The following NLGN1 variants were observed in gnomAD, a reference collection of about 807,000 sequenced individuals.
The protein encoded by NLGN1 is neuroligin 1.
In NLGN1, 12 loss-of-function variants were observed where a neutral mutation model predicts 65.5. The ratio of observed to expected loss-of-function variants is 0.18; its 90% CI spans 0.12 to 0.30. The LOEUF (loss-of-function observed/expected upper bound fraction) is 0.30. Among genes scored for constraint, NLGN1 ranks in the 10% least tolerant of loss-of-function variants. The pLI is 1.00. For synonymous variants in NLGN1, 350 were observed against 359.5 expected (o/e 0.97, Z 0.30); for missense variants, 750 against 1,007.1 (o/e 0.74, Z 3.46).
At chr3:173,802,346 T>G (rs1715616024) in intron 3 of NLGN1, among the ~76,000 whole-genome samples, 1 of 152,190 alleles carries the variant, frequency 6.6e-6, no homozygotes, top group Non-Finnish European at 1.5e-5. Context: ...GGTTAAGTAC[T>G]AAGCCATTCA....
intron 4 of NLGN1, among the ~76,000 whole-genome samples, chr3:174,011,811 G>A (rs113272556): frequency 3.9e-5 from 6 of 151,980 alleles, no homozygotes; most frequent in Admixed American, 2.0e-4. Context: ...TGGTCTAGGC[G>A]CAAATTACAT....
At chr3:174,027,796 A>G (rs2152467993) in intron 4 of NLGN1, among the ~76,000 whole-genome samples, 2 of 152,304 alleles carry the variant, frequency 1.3e-5, no homozygotes, top group South Asian at 4.1e-4. Context: ...CAAGGATCAT[A>G]TGAGTTAATT....
chr3:173,665,512 T>C (rs533922695), intron 3 of NLGN1, among the ~76,000 whole-genome samples: 1 of 152,270 alleles, frequency 6.6e-6, no homozygotes, highest in African/African-American at 2.4e-5. Context: ...TTAGACATTT[T>C]GAAGATAAAT....
chr3:173,761,134 C>CT (rs1220640488), intron 3 of NLGN1, among the ~76,000 whole-genome samples: 5 of 151,956 alleles, frequency 3.3e-5, no homozygotes, highest in Non-Finnish European at 1.5e-5. Context: ...GCTATAATGT[C>CT]TTTGTACTCA....
intron 4 of NLGN1, among the ~76,000 whole-genome samples, chr3:174,028,513 A>AAT (rs962698778): frequency 8.5e-5 from 13 of 152,238 alleles, no homozygotes; most frequent in Non-Finnish European, 1.5e-4. Flanking sequence ...AAGATGATTT[A>AAT]GGACATCTAG....
intron 2 of NLGN1, among the ~76,000 whole-genome samples, chr3:173,599,448 T>A (rs2149429171): frequency 6.6e-6 from 1 of 152,242 alleles, no homozygotes; most frequent in Non-Finnish European, 1.5e-5. Flanking sequence ...ATATGAAACA[T>A]TTTGCTACAG....
At chr3:173,873,595 T>G (rs1189397550) in intron 4 of NLGN1, among the ~76,000 whole-genome samples, 1 of 152,160 alleles carries the variant, frequency 6.6e-6, no homozygotes, top group Non-Finnish European at 1.5e-5. Context: ...TCAATGTGGA[T>G]TTATTATTAT....
intron 4 of NLGN1, among the ~76,000 whole-genome samples, chr3:174,146,939 A>C (rs186303328): frequency 6.6e-6 from 1 of 152,324 alleles, no homozygotes; most frequent in Non-Finnish European, 1.5e-5. Context: ...TCTTCTTAGT[A>C]GTGTTTACAT....
chr3:174,138,820 T>C (rs1364804088), intron 4 of NLGN1, among the ~76,000 whole-genome samples: 1 of 152,052 alleles, frequency 6.6e-6, no homozygotes, highest in Non-Finnish European at 1.5e-5. Context: ...GCTTTACTTA[T>C]CAATCTTTAT....
intron 1 of NLGN1, among the ~76,000 whole-genome samples, chr3:173,428,957 A>G (rs1716662050): frequency 1.3e-5 from 2 of 151,762 alleles, no homozygotes; most frequent in South Asian, 4.2e-4. Flanking sequence ...TGAAAATTTG[A>G]TTATTATATG....
intron 4 of NLGN1, among the ~76,000 whole-genome samples, chr3:173,977,497 A>G (rs1717767179): frequency 1.3e-5 from 2 of 152,018 alleles, no homozygotes; most frequent in African/African-American, 4.8e-5. Context: ...ACAATACGTT[A>G]AGGAGTTTCT....
intron 3 of NLGN1, among the ~76,000 whole-genome samples, chr3:173,619,386 A>T (rs1175604892): frequency 2.0e-5 from 3 of 152,164 alleles, no homozygotes; most frequent in Non-Finnish European, 4.4e-5. Context: ...TTATCTGATC[A>T]AACAATTATT....
At chr3:173,527,309 C>T (rs1168800239) in intron 2 of NLGN1, among the ~76,000 whole-genome samples, 2 of 152,154 alleles carry the variant, frequency 1.3e-5, no homozygotes, top group Admixed American at 6.5e-5. Context: ...CTCTGATGAT[C>T]AGTGATATTG....
chr3:173,452,474 G>A lies in NLGN1; in HGVS notation c.-321+17396G>A, dbSNP rs9839418. On this transcript the variant is annotated intron_variant, in intron 2 of 6. Transcript: ENST00000457714. ...GTGCAGGATTACAGGCGTGAGCCGCGGTGCCTGGCCTAATTTTCTTGCCGG... is the reference window on the plus strand; with the variant it reads ...GTGCAGGATTACAGGCGTGAGCCGCAGTGCCTGGCCTAATTTTCTTGCCGG... Among the ~76,000 whole-genome samples the A allele has an allele frequency of 3.9e-3, 589 of 152,220 alleles. 4 individuals are homozygous for A. The highest frequency in any genetic ancestry group is 0.013 in the African/African-American group (551 of 41,546).
At chr3:174,250,149 T>C (rs1341791207) in intron 4 of NLGN1, among the ~76,000 whole-genome samples, 5 of 152,210 alleles carry the variant, frequency 3.3e-5, no homozygotes, top group African/African-American at 1.2e-4. Flanking sequence ...TACTCTGTCA[T>C]TAACTCACTA....
At chr3:173,790,821 A>G (rs1712551213) in intron 3 of NLGN1, among the ~76,000 whole-genome samples, 1 of 152,154 alleles carries the variant, frequency 6.6e-6, no homozygotes, top group African/African-American at 2.4e-5. Context: ...TTATTATCAC[A>G]ATATTTTTAG....
At chr3:174,117,508 C>G (rs1317728067) in intron 4 of NLGN1, among the ~76,000 whole-genome samples, 1 of 151,724 alleles carries the variant, frequency 6.6e-6, no homozygotes, top group Non-Finnish European at 1.5e-5. Flanking sequence ...GTAGTCCCAG[C>G]TACTCGGGAG....
intron 4 of NLGN1, among the ~76,000 whole-genome samples, chr3:174,218,448 A>T (rs558548357): frequency 5.9e-5 from 9 of 152,188 alleles, no homozygotes; most frequent in Admixed American, 1.3e-4. Flanking sequence ...GATTCACCCA[A>T]TATCTTTCCC....
intron 4 of NLGN1, among the ~76,000 whole-genome samples, chr3:174,202,405 G>T (rs536571063): frequency 6.6e-6 from 1 of 152,034 alleles, no homozygotes; most frequent in South Asian, 2.1e-4. Flanking sequence ...GTACCAGGGG[G>T]TGAAAATAGC....
Sources: gnomAD v4.1 joint callset for allele counts (sites outside exome capture counted in the v4.1 genomes callset) on GRCh38, gnomAD v4.1.1 for gene constraint, MANE v1.5 for transcripts, NCBI Gene and HGNC (gene_info 2026-07-23, HGNC 2026-07-21) for gene names.